CAMTA1: variants seen among roughly 807,000 people sequenced by gnomAD.
The protein encoded by CAMTA1 is calmodulin binding transcription activator 1.
CAMTA1 carries 27 observed loss-of-function variants against 170.9 expected under a neutral mutation model. The observed-to-expected ratio is 0.16, with a 90% CI of 0.12 to 0.22. CAMTA1 has a LOEUF of 0.22. Among genes scored for constraint, CAMTA1 ranks in the 10% least tolerant of loss-of-function variants. The pLI is 1.00. For synonymous variants in CAMTA1, 833 were observed against 891.5 expected (o/e 0.93, Z 1.17); for missense variants, 1,619 against 2,217.2 (o/e 0.73, Z 5.42).
chr1:7,074,071 C>G (rs1328160968), intron 3 of CAMTA1, among the ~76,000 whole-genome samples: 1 of 152,176 alleles, frequency 6.6e-6, no homozygotes, highest in African/African-American at 2.4e-5. Context: ...GCAGGAGGAT[C>G]TGCCCTGGTG....
chr1:6,813,913 A>G lies in CAMTA1; in HGVS notation c.46-6268A>G, dbSNP rs531637922. 3.3e-5 allele frequency among the ~76,000 whole-genome samples: 5 copies of G among 152,212 alleles called. No homozygotes were observed. In the South Asian group the frequency reaches 1.0e-3, roughly 32 times the overall value. On this transcript the variant is annotated intron_variant, in intron 1 of 22. Coordinates refer to ENST00000303635, the MANE Select transcript of CAMTA1 (RefSeq NM_015215.4). Reference sequence around the variant, plus strand: ...TGAAAACGACAGAAGGCTTTTAGTAAATTCCACCACCATCACCAGGACGAG... The same window carrying G: ...TGAAAACGACAGAAGGCTTTTAGTAGATTCCACCACCATCACCAGGACGAG...
At chr1:6,927,650 A>T (rs1025036322) in intron 3 of CAMTA1, among the ~76,000 whole-genome samples, 1 of 152,166 alleles carries the variant, frequency 6.6e-6, no homozygotes, top group Non-Finnish European at 1.5e-5. Context: ...CCCCAGCTTT[A>T]CCATGGCCTG....
At chr1:7,391,985 T>C (rs1282262651) in intron 5 of CAMTA1, among the ~76,000 whole-genome samples, 1 of 152,250 alleles carries the variant, frequency 6.6e-6, no homozygotes, top group African/African-American at 2.4e-5. Context: ...CAGGTTTTGG[T>C]GTCATCATAC....
At chr1:7,414,436 G>T (rs543325172) in intron 5 of CAMTA1, among the ~76,000 whole-genome samples, 64 of 152,136 alleles carry the variant, frequency 4.2e-4, no homozygotes, top group Non-Finnish European at 7.4e-4. Context: ...CAATTTCAGA[G>T]CCTGTTATTG....
At chr1:7,183,398 C>T (rs896350120) in intron 4 of CAMTA1, among the ~76,000 whole-genome samples, 28 of 152,168 alleles carry the variant, frequency 1.8e-4, no homozygotes, top group Admixed American at 1.8e-3. Flanking sequence ...CAAACCATAT[C>T]AGCAATATCT....
chr1:7,760,383 A>G (rs1409644141), intron 22 of CAMTA1, among the ~76,000 whole-genome samples: 1 of 152,146 alleles, frequency 6.6e-6, no homozygotes, highest in Admixed American at 6.6e-5. Context: ...ACTTTTATCC[A>G]AGGGACAGTT....
intron 6 of CAMTA1, among the ~76,000 whole-genome samples, chr1:7,613,972 A>C: frequency 3.7e-5 from 3 of 81,868 alleles, no homozygotes; most frequent in South Asian, 4.6e-4. Context: ...GAGGAGAGCA[A>C]TGGGTGGGGA....
chr1:7,160,655 C>T (rs569424668), intron 4 of CAMTA1, among the ~76,000 whole-genome samples: 1 of 152,184 alleles, frequency 6.6e-6, no homozygotes, highest in Non-Finnish European at 1.5e-5. Context: ...ACTTTAAAAA[C>T]TTTCTTTGGG....
intron 4 of CAMTA1, among the ~76,000 whole-genome samples, chr1:7,148,440 C>T (rs1289911843): frequency 6.6e-6 from 1 of 151,156 alleles, no homozygotes; most frequent in Admixed American, 6.6e-5. Flanking sequence ...CCCCGCCACG[C>T]TCCCCGCCAT....
At position 7,573,454 on chromosome 1, in the gene CAMTA1, G is replaced by C. The variant is rs552314495; in HGVS notation, c.511-66946G>C. Among the ~76,000 whole-genome samples the C allele has an allele frequency of 2.0e-5, 3 of 152,340 alleles. No homozygotes were observed. In the East Asian group the frequency reaches 5.8e-4, roughly 29 times the overall value. On this transcript the variant is annotated intron_variant, in intron 6 of 22. Transcript: ENST00000303635. ...TTCTATGAAGGGAACAGTGGTCCCTGGCTGCCCTAATAAATTACCACTGAC... is the reference window on the plus strand; with the variant it reads ...TTCTATGAAGGGAACAGTGGTCCCTCGCTGCCCTAATAAATTACCACTGAC...
chr1:6,886,147 T>A (rs1185862437), intron 3 of CAMTA1: 3 of 449,472 alleles, frequency 6.7e-6, no homozygotes, highest in Non-Finnish European at 1.3e-5. Flanking sequence ...ATGGGGGAAG[T>A]GACAGTGGGG....
At chr1:6,966,606 G>T (rs1691591076) in intron 3 of CAMTA1, among the ~76,000 whole-genome samples, 1 of 96,154 alleles carries the variant, frequency 1.0e-5, no homozygotes, top group Non-Finnish European at 2.0e-5. Context: ...AAACACTTTT[G>T]AAACCTTTTT....
Position 7,665,237 on chromosome 1 carries a change from T to G in CAMTA1, c.2652+38T>G. The G allele has an allele frequency of 7.1e-7, 1 of 1,401,338 alleles. No homozygotes were observed. The highest frequency in any genetic ancestry group is 9.3e-7 in the Non-Finnish European group (1 of 1,076,042). The allele number at this position is 1,401,338 out of a possible 1,614,324, so 86.8% of individuals were successfully genotyped here. On this transcript the variant is annotated intron_variant, in intron 9 of 22. Coordinates refer to ENST00000303635, the MANE Select transcript of CAMTA1 (RefSeq NM_015215.4). This position sits in a 1 kb window ranked among gnomAD's most constrained non-coding sequence, Gnocchi z 4.3. ...CGCTGCCACCACCTGTCACCTCCCC[T>G]CCCACCCACCTCGCCAGCCCCTGCG...
At chr1:6,908,306 C>T (rs944124056) in intron 3 of CAMTA1, among the ~76,000 whole-genome samples, 24 of 152,266 alleles carry the variant, frequency 1.6e-4, no homozygotes, top group East Asian at 9.6e-4. Flanking sequence ...GCAGTGCCCA[C>T]GGCAAGCAGG....
At position 7,685,795 on chromosome 1, in the gene CAMTA1, C is replaced by T. The variant is rs2096252884; in HGVS notation, c.2914+8062C>T. Among the ~76,000 whole-genome samples the T allele has an allele frequency of 6.6e-6, 1 of 152,264 alleles. No individual in the cohort carries two copies. The highest frequency in any genetic ancestry group is 2.1e-4 in the South Asian group (1 of 4,824). On this transcript the variant is annotated intron_variant, in intron 11 of 22. Transcript: ENST00000303635. The surrounding 1 kb of genome is among the most constrained non-coding windows in gnomAD (Gnocchi z 5.7). The stretch of plus-strand genomic sequence containing the variant: ...ACGGCCTACAGGGCAGCTTGACCCA[C>T]GTTTCTCTTGGGCAAGCCAGTAGGT...
Position 7,456,337 on chromosome 1 carries a change from T to C in CAMTA1, c.439-11493T>C, listed in dbSNP as rs1016473566. 1.4e-4 allele frequency among the ~76,000 whole-genome samples: 22 copies of C among 152,070 alleles called. No homozygotes were observed. Among genetic ancestry groups the C allele is most frequent in the African/African-American group, 5.1e-4 (21 of 41,396 alleles). On this transcript the variant is annotated intron_variant, in intron 5 of 22. Transcript: ENST00000303635. This position sits in a 1 kb window ranked among gnomAD's most constrained non-coding sequence, Gnocchi z 4.9. Reference sequence around the variant, plus strand: ...GGAGGAAGGCAGGCCATCACCAGTATACACCACTCTGGAGACCAGCTCTAG... The same window carrying C: ...GGAGGAAGGCAGGCCATCACCAGTACACACCACTCTGGAGACCAGCTCTAG...
At chr1:7,266,344 G>A (rs1668925073) in intron 5 of CAMTA1, among the ~76,000 whole-genome samples, 1 of 152,198 alleles carries the variant, frequency 6.6e-6, no homozygotes, top group Admixed American at 6.5e-5. Context: ...CGCCACTGTG[G>A]GTCCACCACA....
intron 5 of CAMTA1, among the ~76,000 whole-genome samples, chr1:7,255,245 A>G (rs112960519): frequency 0.013 from 2,004 of 152,222 alleles, 43 homozygotes; most frequent in African/African-American, 0.045. Context: ...ATGTAACAAA[A>G]CTGCATGTTC....
intron 4 of CAMTA1, among the ~76,000 whole-genome samples, chr1:7,191,320 A>G (rs1654482071): frequency 6.6e-6 from 1 of 152,240 alleles, no homozygotes. Flanking sequence ...CTAATTCTGG[A>G]TATAAGCGTT....
Sources: gnomAD v4.1 joint callset for allele counts (sites outside exome capture counted in the v4.1 genomes callset) on GRCh38, gnomAD v4.1.1 for gene constraint, Gnocchi (gnomAD v3.1) non-coding constraint, MANE v1.5 for transcripts, NCBI Gene and HGNC (gene_info 2026-07-23, HGNC 2026-07-21) for gene names.